Variants in CHRNB4 observed in about 807,000 individuals in gnomAD.
CHRNB4 encodes the protein cholinergic receptor nicotinic beta 4 subunit.
A neutral mutation model predicts 40.4 loss-of-function variants in CHRNB4; 23 were observed. The ratio of observed to expected loss-of-function variants is 0.57; its 90% CI spans 0.41 to 0.81. CHRNB4 has a LOEUF of 0.81. Ranked by LOEUF, CHRNB4 falls within the 30% of genes least tolerant of loss-of-function variation. The pLI is 0.00. For missense variants in CHRNB4, 568 were observed against 670.6 expected (o/e 0.85, Z 1.69); for synonymous variants, 285 against 274.4 (o/e 1.04, Z -0.38).
At chr15:78,634,275 C>T (rs772085640) in intron 2 of CHRNB4, among the ~76,000 whole-genome samples, 3 of 152,162 alleles carry the variant, frequency 2.0e-5, no homozygotes, top group South Asian at 2.1e-4. Flanking sequence ...TCTGGAAGTG[C>T]GGCAGAGCCT....
rs563871941 is a variant in CHRNB4, at chr15:78,624,688, G to A, written c.*445C>T. 6.3e-4 allele frequency: 216 copies of A among 345,080 alleles called. No homozygotes were observed. The highest frequency in any genetic ancestry group is 4.0e-3 in the African/African-American group (193 of 47,678). The allele number at this position is 345,080 out of a possible 1,614,324, so 21.4% of individuals were successfully genotyped here. On this transcript the variant is annotated 3_prime_UTR_variant, in exon 6 of 6. Coordinates refer to ENST00000261751, the MANE Select transcript of CHRNB4 (RefSeq NM_000750.5). ...AGCCTGGGCGATATAGCAAGACTCC[G>A]TTTAAAAGAAAAAAAAAAAGATGAT...
At position 78,631,688 on chromosome 15, in the gene CHRNB4, C is replaced by T. The variant is rs79302673; in HGVS notation, c.205-356G>A. 9.4e-3 allele frequency among the ~76,000 whole-genome samples: 1,437 copies of T among 152,308 alleles called. 152 individuals carry two copies. In the East Asian group the frequency reaches 0.24, roughly 26 times the overall value. ...CTCATATTTGTCTGCTTCTCTCCACCGCCACCATCATCTGTCACTTAGACT... is the reference window on the plus strand; with the variant it reads ...CTCATATTTGTCTGCTTCTCTCCACTGCCACCATCATCTGTCACTTAGACT... On this transcript the variant is annotated intron_variant, in intron 2 of 5. Transcript: ENST00000261751.
rs79588115 is a variant in CHRNB4 at position 78,650,856 on chromosome 15, G to T, written c.-15-1417C>A. Among the ~76,000 whole-genome samples the T allele has an allele frequency of 6.1e-3, 923 of 152,288 alleles. 7 individuals carry two copies. The highest frequency in any genetic ancestry group is 8.5e-3 in the Non-Finnish European group (580 of 68,016). ...TGCTTATGGGCTAGGGAAGTGTGAT[G>T]GTCTAAGATGTGGGGAGAGGTGATT... On this transcript the variant is annotated intron_variant and NMD_transcript_variant, in intron 6 of 11. Coordinates refer to the CHRNB4 transcript ENST00000559849.
In CHRNB4 at chr15:78,624,824, C is replaced by T; in HGVS notation, c.*309G>A. 1.3e-6 allele frequency: 1 copy of T among 751,878 alleles called. No homozygotes were observed. Among genetic ancestry groups the T allele is most frequent in the Non-Finnish European group, 2.0e-6 (1 of 490,640 alleles). The allele number at this position is 751,878 out of a possible 1,614,324, so 46.6% of individuals were successfully genotyped here. On this transcript the variant is annotated 3_prime_UTR_variant, in exon 6 of 6. Transcript: ENST00000261751. ...ATGGAGAGGCAGGCCGGCACCATGCCTGAAGCATAGTAGGTGCTGCTACGA... is the reference window on the plus strand; with the variant it reads ...ATGGAGAGGCAGGCCGGCACCATGCTTGAAGCATAGTAGGTGCTGCTACGA...
chr15:78,650,164 C>T (rs984231919), intron 6 of CHRNB4, among the ~76,000 whole-genome samples: 2 of 152,216 alleles, frequency 1.3e-5, no homozygotes, highest in Non-Finnish European at 2.9e-5. Context: ...GAGAGACTGA[C>T]ATCCTGGCCT....
Position 78,637,709 on chromosome 15 carries a change from A to T in CHRNB4, c.56-2122T>A, listed in dbSNP as rs185794493. Among the ~76,000 whole-genome samples the T allele has an allele frequency of 4.9e-3, 752 of 152,268 alleles. 7 individuals are homozygous for T. The highest frequency in any genetic ancestry group is 0.017 in the African/African-American group (717 of 41,566). ...GGCTGGACTCCTGGTTGTGGGGAGC[A>T]GCCGCCACCCTGCCGACTTCATCCA... On this transcript the variant is annotated intron_variant, in intron 1 of 5. Coordinates refer to ENST00000261751, the MANE Select transcript of CHRNB4 (RefSeq NM_000750.5).
intron 5 of CHRNB4, among the ~76,000 whole-genome samples, chr15:78,655,084 A>T (rs2054201453): frequency 6.6e-6 from 1 of 152,188 alleles, no homozygotes; most frequent in Non-Finnish European, 1.5e-5. Flanking sequence ...ATAATCCCCC[A>T]AAGTTTTCTC....
chr15:78,657,611 T>C (rs994329200), intron 2 of CHRNB4, among the ~76,000 whole-genome samples: 1 of 152,012 alleles, frequency 6.6e-6, no homozygotes, highest in Non-Finnish European at 1.5e-5. Context: ...TGGAGTGCAG[T>C]GGCACGATCT....
intron 7 of CHRNB4, among the ~76,000 whole-genome samples, chr15:78,648,425 T>TG (rs1237541276): frequency 1.4e-5 from 2 of 142,096 alleles, no homozygotes; most frequent in African/African-American, 5.3e-5. Context: ...AGAAAAGGCA[T>TG]GGGGGTGAAT....
chr15:78,655,023 G>C (rs2054201019), intron 5 of CHRNB4, among the ~76,000 whole-genome samples: 1 of 152,146 alleles, frequency 6.6e-6, no homozygotes, highest in Non-Finnish European at 1.5e-5. Context: ...AACTTGATTA[G>C]TGTTGTTTGT....
At chr15:78,635,856 G>T (rs1422749747) in intron 1 of CHRNB4, among the ~76,000 whole-genome samples, 3 of 152,152 alleles carry the variant, frequency 2.0e-5, no homozygotes, top group Non-Finnish European at 4.4e-5. Context: ...TGGTACAAAA[G>T]CTGGGTGTCT....
intron 1 of CHRNB4, among the ~76,000 whole-genome samples, chr15:78,639,460 G>A (rs1596116562): frequency 6.6e-6 from 1 of 151,964 alleles, no homozygotes; most frequent in African/African-American, 2.4e-5. Flanking sequence ...TACCACGCCC[G>A]GTTAATTTTT....
At position 78,635,440 on chromosome 15, in the gene CHRNB4, A is replaced by T; in HGVS notation, c.203T>A (p.Val68Glu). Residue 68 changes from valine to glutamate, a missense_variant and splice_region_variant, in exon 2 of 6, where the codon GTG becomes GAG. This residue lies in a region of CHRNB4 where 161 missense variants were observed against 148.1 expected (regional missense o/e 1.09). Transcript: ENST00000261751. ...GCCACAGCTGCCCTCTGCACCTACC[A>T]CGCTGATAAGCTGGGCCAGGGAGAG... Reference protein sequence around the residue: ...LQLSLAQLISVNEREQIMTTN... With the variant: ...LQLSLAQLISENEREQIMTTN... 1 of 1,613,692 alleles carries T rather than the reference A, an allele frequency of 6.2e-7. No homozygotes were observed. The highest frequency in any genetic ancestry group is 8.5e-7 in the Non-Finnish European group (1 of 1,179,918).
upstream of CHRNB4, among the ~76,000 whole-genome samples, chr15:78,644,310 T>A: frequency 1.2e-5 from 1 of 84,630 alleles, no homozygotes; most frequent in South Asian, 3.7e-4. Flanking sequence ...GCCAAGATAA[T>A]ATTAAGAGGT....
chr15:78,628,821 A>T (rs2053721677), intron 5 of CHRNB4, 146 bp downstream of exon 5: 1 of 1,049,926 alleles, frequency 9.5e-7, no homozygotes. Context: ...ATAATATTTA[A>T]CACAAACTCA....
In CHRNB4 at chr15:78,631,367, A is replaced by G. The variant is rs755334333; in HGVS notation, c.205-35T>C. 4 of 1,605,904 alleles carry G rather than the reference A, an allele frequency of 2.5e-6. No individual in the cohort carries two copies. The African/African-American group carries it at 4.0e-5, about 16-fold the overall frequency. The stretch of plus-strand genomic sequence containing the variant: ...GAAACGGGGCTATCAGTTCACCAGG[A>G]AGGAGGAGCCTCACAAATGGATTGC... On this transcript the variant is annotated intron_variant, in intron 2 of 5. Coordinates refer to ENST00000261751, the MANE Select transcript of CHRNB4 (RefSeq NM_000750.5).
At chr15:78,643,993 C>CAAAAAAAA (rs34477808), upstream of CHRNB4, among the ~76,000 whole-genome samples, 9 of 115,952 alleles carry the variant, frequency 7.8e-5, no homozygotes, top group East Asian at 5.1e-4. Flanking sequence ...ACTAAAAATA[C>CAAAAAAAA]AAAAAAAAAA....
intron 2 of CHRNB4, chr15:78,634,480 C>T (rs1053644629): frequency 5.2e-5 from 17 of 324,340 alleles, no homozygotes; most frequent in African/African-American, 3.7e-4. Context: ...CCCTCCCCAT[C>T]CTGGGGCTGT....
At chr15:78,637,107 CGAG>C (rs1218694465) in intron 1 of CHRNB4, among the ~76,000 whole-genome samples, 1 of 152,168 alleles carries the variant, frequency 6.6e-6, no homozygotes, top group African/African-American at 2.4e-5. Flanking sequence ...TCTGGAGCTT[CGAG>C]GAGAGGTCTT....
Sources: allele counts gnomAD v4.1 joint callset (sites outside exome capture counted in the v4.1 genomes callset), GRCh38; gene constraint gnomAD v4.1.1; regional missense constraint gnomAD v4.1.1; transcripts MANE v1.5; gene names NCBI Gene and HGNC (gene_info 2026-07-23, HGNC 2026-07-21).